Variants in KDM6B observed in about 807,000 individuals in gnomAD.
KDM6B encodes lysine demethylase 6B.
A neutral mutation model predicts 150.4 loss-of-function variants in KDM6B; 22 were observed. The ratio of observed to expected loss-of-function variants is 0.15; its 90% CI spans 0.10 to 0.21. KDM6B has a LOEUF of 0.21. Ranked by LOEUF, KDM6B falls within the 10% of genes least tolerant of loss-of-function variation. KDM6B has a pLI of 1.00. For missense variants in KDM6B, 1,984 were observed against 2,234.3 expected (o/e 0.89, Z 2.26); for synonymous variants, 1,148 against 921.1 (o/e 1.25, Z -4.46).
intron 2 of KDM6B, chr17:7,840,776 T>G (rs554953171): frequency 6.6e-6 from 1 of 152,356 alleles, no homozygotes; most frequent in Admixed American, 6.5e-5. Context: ...TTTTGCACAT[T>G]GGGGTGCATG....
At chr17:7,842,793 G>C (rs1169271068) in intron 2 of KDM6B, among the ~76,000 whole-genome samples, 1 of 151,808 alleles carries the variant, frequency 6.6e-6, no homozygotes, top group Non-Finnish European at 1.5e-5. Flanking sequence ...GTGGGAAGAG[G>C]GGAAGGTTTT....
chr17:7,840,398 A>T (rs2151370246), intron 2 of KDM6B: 1 of 152,194 alleles, frequency 6.6e-6, no homozygotes, highest in Middle Eastern at 3.4e-3. Flanking sequence ...TCCCTATAGG[A>T]GTTGTTGAAC....
rs1185275462 is a variant in KDM6B, at chr17:7,848,255, T to C, written c.1967T>C (p.Val656Ala). ...PGPLSKAPQP[V>A]PPGVGELPAR... ...CCCCTGAGTAAAGCCCCCCAGCCTG[T>C]GCCGCCCGGGGTTGGGGAGCTGCCT... Residue 656 changes from valine to alanine, a missense_variant, in exon 12 of 24, where the codon GTG (valine) becomes GCG (alanine). Val to Ala is a moderately conservative substitution (Grantham distance 64). Coordinates refer to ENST00000448097, the MANE Select transcript of KDM6B (RefSeq NM_001348716.2). The C allele has an allele frequency of 1.9e-6, 3 of 1,609,788 alleles. No individual in the cohort carries two copies. Among genetic ancestry groups the C allele is most frequent in the South Asian group, 1.1e-5 (1 of 90,858 alleles).
rs2078757996 is a variant in KDM6B, at chr17:7,853,941, A to C, written c.*420A>C. On this transcript the variant is annotated 3_prime_UTR_variant, in exon 24 of 24. Coordinates refer to ENST00000448097, the MANE Select transcript of KDM6B (RefSeq NM_001348716.2). ...TACGGCAGCCGAGGTTTTTAATGAGATTCTTTCTATGGGCTTTACCCCTCC... is the reference window on the plus strand; with the variant it reads ...TACGGCAGCCGAGGTTTTTAATGAGCTTCTTTCTATGGGCTTTACCCCTCC... 6.3e-6 allele frequency: 1 copy of C among 159,266 alleles called. No homozygotes were observed. The highest frequency in any genetic ancestry group is 1.9e-4 in the South Asian group (1 of 5,208). 9.9% of individuals were successfully genotyped at this position (159,266 alleles called of 1,614,324 possible).
chr17:7,835,182 A>G (rs2078308483), intron 1 of KDM6B, among the ~76,000 whole-genome samples: 1 of 151,840 alleles, frequency 6.6e-6, no homozygotes, highest in Non-Finnish European at 1.5e-5. Context: ...AGCGCAGAAG[A>G]CGGGGAGGGG....
rs780882969 is a variant in KDM6B at position 7,847,896 on chromosome 17, C to G, written c.1608C>G (p.Gly536=). ...CTCCGGCCTCCCGCTTTTCTGTGGG[C>G]ACTCAGGATTCTCACACCCCTCCCA... The part of the protein sequence containing the change: ...LGPPASRFSV[G]TQDSHTPPTP... The change falls in exon 12 of 24, where the codon GGC becomes GGG. Residue 536 remains glycine (G), a synonymous_variant. Transcript: ENST00000448097. The G allele has an allele frequency of 6.0e-6, 8 of 1,343,700 alleles. No homozygotes were observed. Among genetic ancestry groups the G allele is most frequent in the Non-Finnish European group, 7.9e-6 (8 of 1,015,946 alleles). The allele number at this position is 1,343,700 out of a possible 1,614,324, so 83.2% of individuals were successfully genotyped here.
chr17:7,843,138 G>A lies in KDM6B; in HGVS notation c.-268-1763G>A, dbSNP rs535660679. On this transcript the variant is annotated intron_variant, in intron 2 of 23. Transcript: ENST00000448097. The surrounding 1 kb of genome is among the most constrained non-coding windows in gnomAD (Gnocchi z 4.5). ...GAGGGGAAGTGTCATCATCGCCGAAGGGGAAGCTGCCTTTCCTGGTAACTG... is the reference window on the plus strand; with the variant it reads ...GAGGGGAAGTGTCATCATCGCCGAAAGGGAAGCTGCCTTTCCTGGTAACTG... Among the ~76,000 whole-genome samples the A allele has an allele frequency of 6.6e-6, 1 of 152,272 alleles. No individual in the cohort carries two copies. The highest frequency in any genetic ancestry group is 2.4e-5 in the African/African-American group (1 of 41,544).
At position 7,848,712 on chromosome 17, in the gene KDM6B, C is replaced by G. The variant is rs2078621747; in HGVS notation, c.2424C>G (p.Ala808=). 1.9e-6 allele frequency: 3 copies of G among 1,612,892 alleles called. No homozygotes were observed. Among genetic ancestry groups the G allele is most frequent in the African/African-American group, 2.7e-5 (2 of 74,858 alleles). The part of the protein sequence containing the change: ...PSPASLLKSL[A]SVLEGQKYCY... Reference sequence around the variant, plus strand: ...CGGCCAGCCTGCTCAAATCCTTGGCCTCCGTGCTGGAGGGACAAAAGTACT... The same window carrying G: ...CGGCCAGCCTGCTCAAATCCTTGGCGTCCGTGCTGGAGGGACAAAAGTACT... Residue 808 remains alanine, a synonymous_variant, in exon 12 of 24, where the codon GCC becomes GCG. Coordinates refer to ENST00000448097, the MANE Select transcript of KDM6B (RefSeq NM_001348716.2).
intron 15 of KDM6B, 21 bp from the exon 16 acceptor site, chr17:7,851,309 G>A (rs2078688549): frequency 1.2e-6 from 2 of 1,613,954 alleles, no homozygotes; most frequent in East Asian, 4.5e-5. Flanking sequence ...ACCCAGGCCT[G>A]CCTACCCTCT....
chr17:7,852,943 C>T, intron 21 of KDM6B, 57 bp from the exon 22 acceptor site: 2 of 1,611,688 alleles, frequency 1.2e-6, no homozygotes, highest in Non-Finnish European at 1.7e-6. Flanking sequence ...CTTGCTCCAG[C>T]CCTGCCTCAG....
In KDM6B at chr17:7,848,595, G is replaced by A. The variant is rs764302274; in HGVS notation, c.2307G>A (p.Lys769=). ...TTTTATQEEE[K]KPPPALPPPP... is the part of the protein sequence containing the mutation. ...CCACGGCCACCCAGGAAGAGGAGAA[G>A]AAGCCACCACCAGCCCTACCACCAC... The change falls in exon 12 of 24, where the codon AAG becomes AAA. Residue 769 remains lysine, a synonymous_variant. Transcript: ENST00000448097. The A allele has an allele frequency of 6.3e-7, 1 of 1,599,482 alleles. No homozygotes were observed. Among genetic ancestry groups the A allele is most frequent in the African/African-American group, 1.4e-5 (1 of 73,920 alleles).
Position 7,850,194 on chromosome 17 carries a change from GAA to G in KDM6B, c.3673+19_3673+20del. ...TGCGGCTCAGTGAGTATGGGGGGCA[GAA>G]AGTGTTAGGGAGGGCTACAAGGGTC... On this transcript the variant is annotated intron_variant, in intron 14 of 23. Transcript: ENST00000448097. 1 of 1,600,168 alleles carries G rather than the reference GAA, an allele frequency of 6.2e-7. No homozygotes were observed. The highest frequency in any genetic ancestry group is 1.3e-5 in the African/African-American group (1 of 74,770).
Position 7,849,956 on chromosome 17 carries a change from G to T in KDM6B, c.3567+9G>T, listed in dbSNP as rs1445906809. On this transcript the variant is annotated intron_variant, in intron 13 of 23. Transcript: ENST00000448097. Reference sequence around the variant, plus strand: ...CTACACCCAGCATCTATGTATGTGTGCCACTTGGCCTCAGAACCACCCCTG... The same window carrying T: ...CTACACCCAGCATCTATGTATGTGTTCCACTTGGCCTCAGAACCACCCCTG... The T allele has an allele frequency of 3.1e-6, 5 of 1,613,498 alleles. No individual in the cohort carries two copies. The highest frequency in any genetic ancestry group is 4.2e-6 in the Non-Finnish European group (5 of 1,180,040).
At position 7,849,002 on chromosome 17, in the gene KDM6B, C is replaced by T. The variant is rs759036180; in HGVS notation, c.2714C>T (p.Pro905Leu). 5.0e-5 allele frequency: 79 copies of T among 1,594,666 alleles called. No individual in the cohort carries two copies. Among genetic ancestry groups the T allele is most frequent in the East Asian group, 2.2e-5 (1 of 44,506 alleles). The change falls in exon 12 of 24, where the codon CCC becomes CTC. Residue 905 changes from proline (P) to leucine (L), a missense_variant. Physicochemically the swap from Pro to Leu is moderately conservative, Grantham distance 98 (BLOSUM62 -3). This residue lies in a region of KDM6B where 1,379 missense variants were observed against 1,275.6 expected (regional missense o/e 1.08). Coordinates refer to ENST00000448097, the MANE Select transcript of KDM6B (RefSeq NM_001348716.2). ...PTQPPPPLSL[P>L]PARSESEVLE... Reference sequence around the variant, plus strand: ...CAACCGCCCCCACCCCTATCTCTGCCCCCTGCTCGCTCTGAGTCTGAGGTG... The same window carrying T: ...CAACCGCCCCCACCCCTATCTCTGCTCCCTGCTCGCTCTGAGTCTGAGGTG...
intron 1 of KDM6B, among the ~76,000 whole-genome samples, chr17:7,835,830 T>C (rs2078325608): frequency 6.7e-6 from 1 of 148,354 alleles, no homozygotes; most frequent in South Asian, 2.2e-4. Context: ...TCGTGGAGTC[T>C]GTGTAAAGCC....
intron 7 of KDM6B, 29 bp downstream of exon 7, chr17:7,846,326 G>A: frequency 1.3e-6 from 2 of 1,593,296 alleles, no homozygotes; most frequent in Non-Finnish European, 1.7e-6. Flanking sequence ...TGGGGGACGG[G>A]ATTGTACGAT....
chr17:7,849,163 A>G lies in KDM6B; in HGVS notation c.2875A>G (p.Lys959Glu), dbSNP rs2078636562. Residue 959 changes from lysine (K) to glutamate (E), a missense_variant, in exon 12 of 24, where the codon AAG becomes GAG. Lys to Glu is a moderately conservative substitution (Grantham distance 56). Around this residue, in one of 13 missense-constraint regions of KDM6B, gnomAD observed 1,379 missense variants for 1,275.6 expected, o/e 1.08. Transcript: ENST00000448097. ...TERLLPPAQA[K>E]EEAGGVAAVS... is the part of the protein sequence containing the mutation. ...GCGACTGCTGCCCCCCGCACAGGCC[A>G]AGGAGGAGGCTGGCGGGGTGGCGGC... 1 of 1,611,174 alleles carries G rather than the reference A, an allele frequency of 6.2e-7. No individual in the cohort carries two copies. Among genetic ancestry groups the G allele is most frequent in the Non-Finnish European group, 8.5e-7 (1 of 1,179,312 alleles).
rs772066076 is a variant in KDM6B at position 7,849,734 on chromosome 17, T to TCGGCTGCCTGCTTGCTTGTCC, written c.3440+10_3440+30dup. On this transcript the variant is annotated splice_region_variant and intron_variant, in intron 12 of 23. Coordinates refer to ENST00000448097, the MANE Select transcript of KDM6B (RefSeq NM_001348716.2). Reference sequence around the variant, plus strand: ...GACGTCGTGCGCGCCAGCAGGTGAGTCGGCTGCCTGCTTGCTTGTCCCGGA... The same window carrying TCGGCTGCCTGCTTGCTTGTCC: ...GACGTCGTGCGCGCCAGCAGGTGAGTCGGCTGCCTGCTTGCTTGTCCCGGCTGCCTGCTTGCTTGTCCCGGA... The TCGGCTGCCTGCTTGCTTGTCC allele has an allele frequency of 6.2e-7, 1 of 1,612,158 alleles. No homozygotes were observed. Among genetic ancestry groups the TCGGCTGCCTGCTTGCTTGTCC allele is most frequent in the Non-Finnish European group, 8.5e-7 (1 of 1,179,944 alleles).
intron 13 of KDM6B, 21 bp downstream of exon 13, chr17:7,849,968 C>T: frequency 1.2e-6 from 2 of 1,613,620 alleles, no homozygotes; most frequent in Non-Finnish European, 1.7e-6. Context: ...CACTTGGCCT[C>T]AGAACCACCC....
Sources: gnomAD v4.1 joint callset for allele counts (sites outside exome capture counted in the v4.1 genomes callset) on GRCh38, gnomAD v4.1.1 for gene constraint, gnomAD v4.1.1 regional missense constraint, Gnocchi (gnomAD v3.1) non-coding constraint, MANE v1.5 for transcripts, NCBI Gene and HGNC (gene_info 2026-07-23, HGNC 2026-07-21) for gene names.